The following PLEKHH2 variants were observed in gnomAD, a reference collection of about 807,000 sequenced individuals.
The protein encoded by PLEKHH2 is pleckstrin homology, MyTH4 and FERM domain containing H2.
Under a neutral mutation model 187.9 loss-of-function variants are expected in PLEKHH2, and 129 were observed. The observed-to-expected ratio is 0.69, with a 90% CI of 0.59 to 0.79. The LOEUF (loss-of-function observed/expected upper bound fraction) is 0.79. Among genes scored for constraint, PLEKHH2 ranks in the 30% least tolerant of loss-of-function variants. PLEKHH2 has a pLI of 0.00. For synonymous variants in PLEKHH2, 686 were observed against 605.6 expected (o/e 1.13, Z -1.95); for missense variants, 2,076 against 1,751.2 (o/e 1.19, Z -3.31).
chr2:43,686,572 C>A (rs1325029577), intron 3 of PLEKHH2, among the ~76,000 whole-genome samples: 1 of 152,176 alleles, frequency 6.6e-6, no homozygotes, highest in Non-Finnish European at 1.5e-5. Context: ...ATGGATATTA[C>A]ATTGCAATGC....
chr2:43,675,806 A>T lies in PLEKHH2; in HGVS notation c.124-3057A>T, dbSNP rs771653866. 36 of 1,613,822 alleles carry T rather than the reference A, an allele frequency of 2.2e-5. No homozygotes were observed. In the South Asian group the frequency reaches 3.8e-4, roughly 17 times the overall value. On this transcript the variant is annotated intron_variant, in intron 2 of 29. Transcript: ENST00000282406. ...ACAGTCACGTATTCGAGGTCTCCAA[A>T]TATAACAGTGTGGCCCAGATAGAAG...
At chr2:43,649,783 G>A (rs551269572) in intron 2 of PLEKHH2, among the ~76,000 whole-genome samples, 3 of 152,268 alleles carry the variant, frequency 2.0e-5, no homozygotes, top group South Asian at 4.2e-4. Context: ...TCTTTCATGG[G>A]GTCTGTGGGG....
At chr2:43,731,351 C>A in intron 18 of PLEKHH2, 139 bp from the exon 19 acceptor site, 2 of 585,352 alleles carry the variant, frequency 3.4e-6, no homozygotes, top group South Asian at 2.5e-5. Context: ...ATAATGTTGC[C>A]AAAGAGTTTT....
chr2:43,749,892 C>T (rs947968669), intron 24 of PLEKHH2, among the ~76,000 whole-genome samples: 3 of 152,198 alleles, frequency 2.0e-5, no homozygotes, highest in Admixed American at 1.3e-4. Context: ...TAAATGGATA[C>T]TTAACAAGTG....
At chr2:43,641,768 A>G (rs1477139142) in intron 1 of PLEKHH2, among the ~76,000 whole-genome samples, 3 of 152,196 alleles carry the variant, frequency 2.0e-5, no homozygotes, top group African/African-American at 4.8e-5. Context: ...CCCCCATTGG[A>G]TGATCTTATC....
At chr2:43,639,502 G>A (rs1255878686) in intron 1 of PLEKHH2, among the ~76,000 whole-genome samples, 1 of 152,142 alleles carries the variant, frequency 6.6e-6, no homozygotes, top group Admixed American at 6.5e-5. Context: ...GACATTTCAT[G>A]TAAATGGACT....
At chr2:43,752,511 T>A (rs1672048723) in intron 24 of PLEKHH2, among the ~76,000 whole-genome samples, 1 of 152,138 alleles carries the variant, frequency 6.6e-6, no homozygotes, top group African/African-American at 2.4e-5. Context: ...CTGGGAGAGA[T>A]ACTGTAAATG....
intron 5 of PLEKHH2, 103 bp downstream of exon 5, chr2:43,694,617 T>C (rs1668998760): frequency 8.0e-7 from 1 of 1,249,058 alleles, no homozygotes; most frequent in African/African-American, 1.6e-5. Context: ...AGAATTTTGA[T>C]CGGTTGGTGA....
chr2:43,702,715 A>G (rs1280420578), intron 8 of PLEKHH2, among the ~76,000 whole-genome samples: 1 of 152,066 alleles, frequency 6.6e-6, no homozygotes, highest in Non-Finnish European at 1.5e-5. Context: ...GCCTCAATAA[A>G]TATGAGTTTA....
chr2:43,712,420 C>T, intron 15 of PLEKHH2, 37 bp downstream of exon 15: 7 of 1,594,198 alleles, frequency 4.4e-6, no homozygotes, highest in African/African-American at 1.3e-5. Context: ...TCCCAGGCAG[C>T]TATGGGCATG....
At chr2:43,753,478 G>T in intron 24 of PLEKHH2, 141 bp from the exon 25 acceptor site, 1 of 552,550 alleles carries the variant, frequency 1.8e-6, no homozygotes, top group Non-Finnish European at 2.9e-6. Context: ...AGAAACAGAA[G>T]TCATTGACAG....
chr2:43,674,394 G>A (rs990641077), intron 2 of PLEKHH2, among the ~76,000 whole-genome samples: 25 of 152,200 alleles, frequency 1.6e-4, no homozygotes, highest in Admixed American at 7.2e-4. Context: ...CATATTGCCA[G>A]TAGTGGAAGA....
chr2:43,640,887 T>A (rs1451416912), intron 1 of PLEKHH2, among the ~76,000 whole-genome samples: 1 of 151,446 alleles, frequency 6.6e-6, no homozygotes, highest in Non-Finnish European at 1.5e-5. Context: ...TGGGCTCAAG[T>A]GATCTTCCTG....
In PLEKHH2 at chr2:43,765,655, C is replaced by T; in HGVS notation, c.*57C>T. 7.8e-6 allele frequency: 12 copies of T among 1,546,916 alleles called. No individual in the cohort carries two copies. Among genetic ancestry groups the T allele is most frequent in the Non-Finnish European group, 1.0e-5 (12 of 1,145,488 alleles). ...CCTCCATGCTGTGGCTGTATCAGCT[C>T]CCTACAAGTTCGTTTACACCTGGCA... On this transcript the variant is annotated 3_prime_UTR_variant, in exon 30 of 30. Transcript: ENST00000282406.
rs1029192054 is a variant in PLEKHH2 at position 43,694,838 on chromosome 2, G to A, written c.421-305G>A. Among the ~76,000 whole-genome samples the A allele has an allele frequency of 5.9e-5, 9 of 152,160 alleles. No homozygotes were observed. In the South Asian group the frequency reaches 6.2e-4, roughly 11 times the overall value. ...TGTATTTGGTAGCTGAGAAGCACAC[G>A]TTTTCATTTCTATGGCAGTTTAAAG... is the stretch of plus-strand genomic sequence containing the variant. On this transcript the variant is annotated intron_variant, in intron 5 of 29. Transcript: ENST00000282406.
At chr2:43,697,023 C>A in intron 6 of PLEKHH2, 148 bp from the exon 7 acceptor site, 1 of 512,676 alleles carries the variant, frequency 2.0e-6, no homozygotes, top group Non-Finnish European at 3.3e-6. Flanking sequence ...ATTGAAGGTT[C>A]TATGTTATTG....
Position 43,692,626 on chromosome 2 carries a change from A to G in PLEKHH2, c.299A>G (p.Asp100Gly), listed in dbSNP as rs556505004. 1.2e-6 allele frequency: 2 copies of G among 1,613,436 alleles called. No individual in the cohort carries two copies. The highest frequency in any genetic ancestry group is 4.5e-5 in the East Asian group (2 of 44,786). ...DLESLIQEKD[D>G]VIQNLELQLE... Reference sequence around the variant, plus strand: ...GAGTCGCTAATACAGGAAAAAGATGACGTCATTCAAAACTTGGAATTGCAA... The same window carrying G: ...GAGTCGCTAATACAGGAAAAAGATGGCGTCATTCAAAACTTGGAATTGCAA... The change falls in exon 4 of 30, where the codon GAC becomes GGC. Residue 100 changes from aspartate (D) to glycine (G), a missense_variant. Asp to Gly is a moderately conservative substitution (Grantham distance 94, BLOSUM62 -1). Transcript: ENST00000282406.
intron 7 of PLEKHH2, among the ~76,000 whole-genome samples, chr2:43,697,595 T>C (rs570832395): frequency 6.6e-6 from 1 of 152,316 alleles, no homozygotes; most frequent in African/African-American, 2.4e-5. Context: ...TTTCCTGCTG[T>C]AGGTGGAAGG....
chr2:43,747,894 C>T (rs1572656926), intron 24 of PLEKHH2, among the ~76,000 whole-genome samples: 2 of 152,208 alleles, frequency 1.3e-5, no homozygotes, highest in East Asian at 3.8e-4. Context: ...TTTAAAATTT[C>T]TTGTTCTAAT....
Sources: allele counts gnomAD v4.1 joint callset (sites outside exome capture counted in the v4.1 genomes callset), GRCh38; gene constraint gnomAD v4.1.1; transcripts MANE v1.5; gene names NCBI Gene and HGNC (gene_info 2026-07-23, HGNC 2026-07-21).